Variants in TSPEAR observed in about 807,000 individuals in gnomAD.
TSPEAR encodes the protein thrombospondin type laminin G domain and EAR repeats, also known as thrombospondin-type laminin G domain and EAR repeat-containing protein.
TSPEAR carries 69 observed loss-of-function variants against 71.6 expected under a neutral mutation model. The ratio of observed to expected loss-of-function variants is 0.96; its 90% CI spans 0.79 to 1.18. The LOEUF (loss-of-function observed/expected upper bound fraction) is 1.18. Among genes scored for constraint, TSPEAR ranks in the 50% most tolerant of loss-of-function variants. The pLI is 0.00. For missense variants in TSPEAR, 971 were observed against 894.9 expected (o/e 1.09, Z -1.09); for synonymous variants, 402 against 387.2 (o/e 1.04, Z -0.45).
At position 44,520,198 on chromosome 21, in the gene TSPEAR, C is replaced by T. The variant is rs1386957088; in HGVS notation, c.1566+1685G>A. On this transcript the variant is annotated intron_variant, in intron 9 of 11. Coordinates refer to ENST00000323084, the MANE Select transcript of TSPEAR (RefSeq NM_144991.3). The surrounding 1 kb of genome is among the most constrained non-coding windows in gnomAD (Gnocchi z 4.2). ...GGCTCACTCCCTCCCAGCCACCGAC[C>T]AGTCATTATCGTGCAGCCCTGTCAA... 6.6e-6 allele frequency: 1 copy of T among 152,252 alleles called. No individual in the cohort carries two copies. The highest frequency in any genetic ancestry group is 1.5e-5 in the Non-Finnish European group (1 of 68,084). The allele number at this position is 152,252 out of a possible 1,614,324, so 9.4% of individuals were successfully genotyped here. A position where few individuals can be genotyped will look rare whatever the true frequency, so the allele number is the denominator to read the frequency against.
In TSPEAR at chr21:44,612,731, C is replaced by T; in HGVS notation, c.83-44726G>A. 1 of 1,613,744 alleles carries T rather than the reference C, an allele frequency of 6.2e-7. No homozygotes were observed. The highest frequency in any genetic ancestry group is 8.5e-7 in the Non-Finnish European group (1 of 1,179,900). On this transcript the variant is annotated intron_variant, in intron 1 of 11. Coordinates refer to ENST00000323084, the MANE Select transcript of TSPEAR (RefSeq NM_144991.3). This position sits in a 1 kb window ranked among gnomAD's most constrained non-coding sequence, Gnocchi z 4.1. The stretch of plus-strand genomic sequence containing the variant: ...CTGCAGACCCTCCTCCTCCGTGTCC[C>T]TCCTCTGCCGCCCTGTGTGCCGGCC...
chr21:44,575,077 A>G, intron 1 of TSPEAR: 2 of 1,477,112 alleles, frequency 1.4e-6, no homozygotes, highest in Non-Finnish European at 1.8e-6. Context: ...CTGAAAGCTG[A>G]TAGTCGCGTC....
At chr21:44,639,475 C>T (rs972863398) in intron 1 of TSPEAR, among the ~76,000 whole-genome samples, 1 of 152,224 alleles carries the variant, frequency 6.6e-6, no homozygotes, top group African/African-American at 2.4e-5. Context: ...GGCAGATCAC[C>T]CAGGACAACC....
chr21:44,575,084 C>T (rs879962741), intron 1 of TSPEAR: 5 of 1,421,660 alleles, frequency 3.5e-6, no homozygotes, highest in Middle Eastern at 2.4e-4. Context: ...CTGATAGTCG[C>T]GTCCTGAATT....
intron 1 of TSPEAR, among the ~76,000 whole-genome samples, chr21:44,674,892 C>A (rs1986237481): frequency 1.3e-5 from 2 of 150,908 alleles, no homozygotes; most frequent in Non-Finnish European, 3.0e-5. Context: ...AAAAAGAAAA[C>A]CTGAATAGAC....
At position 44,684,974 on chromosome 21, in the gene TSPEAR, C is replaced by G. The variant is rs1555948716; in HGVS notation, c.82+26459G>C. On this transcript the variant is annotated intron_variant, in intron 1 of 11. Coordinates refer to ENST00000323084, the MANE Select transcript of TSPEAR (RefSeq NM_144991.3). ...GTGAAAGGAGTTGCCTGTGACAGGG[C>G]TGAACTTGTGGCCTCGCCCGGCTTG... Among the ~76,000 whole-genome samples the G allele has an allele frequency of 2.0e-5, 3 of 152,196 alleles. No homozygotes were observed. The South Asian group carries it at 6.2e-4, about 32-fold the overall frequency.
chr21:44,675,585 A>G lies in TSPEAR; in HGVS notation c.82+35848T>C, dbSNP rs193002940. 3.5e-3 allele frequency among the ~76,000 whole-genome samples: 531 copies of G among 152,228 alleles called. 4 individuals carry two copies. The highest frequency in any genetic ancestry group is 0.012 in the African/African-American group (516 of 41,528). ...AGTTTGCTCCGAGGGCAAAATCAAC[A>G]GTAGTAGAGATCACAAACATTATTT... On this transcript the variant is annotated intron_variant, in intron 1 of 11. Transcript: ENST00000323084.
At chr21:44,708,725 C>T (rs573778765) in intron 1 of TSPEAR, among the ~76,000 whole-genome samples, 1 of 151,962 alleles carries the variant, frequency 6.6e-6, no homozygotes, top group Non-Finnish European at 1.5e-5. Flanking sequence ...GTCCCCTCCC[C>T]GAATGCTGCT....
intron 1 of TSPEAR, among the ~76,000 whole-genome samples, chr21:44,616,715 G>A (rs1343523583): frequency 2.0e-5 from 3 of 152,224 alleles, no homozygotes; most frequent in South Asian, 4.1e-4. Flanking sequence ...GTGACAATGC[G>A]GCTGCGCACC....
intron 1 of TSPEAR, among the ~76,000 whole-genome samples, chr21:44,699,348 C>A (rs1439985155): frequency 2.7e-5 from 4 of 146,634 alleles, no homozygotes; most frequent in Non-Finnish European, 6.0e-5. Context: ...CCACTGCACT[C>A]CAGCCTGGGT....
intron 1 of TSPEAR, chr21:44,579,632 T>A (rs1978735093): frequency 2.6e-6 from 3 of 1,156,844 alleles, no homozygotes; most frequent in South Asian, 1.5e-5. Flanking sequence ...CCTGGGAGTA[T>A]GGAGGGGGGG....
In TSPEAR at chr21:44,654,406, C is replaced by G. The variant is rs782325286; in HGVS notation, c.82+57027G>C. The G allele has an allele frequency of 1.0e-4, 166 of 1,614,052 alleles. No individual in the cohort carries two copies. Among genetic ancestry groups the G allele is most frequent in the Non-Finnish European group, 1.3e-4 (157 of 1,180,022 alleles). Reference sequence around the variant, plus strand: ...AGGCTTGCAGCTCACAGGCACACAGCAGGCCACCTGGCAGGGGCTGGGCAC... The same window carrying G: ...AGGCTTGCAGCTCACAGGCACACAGGAGGCCACCTGGCAGGGGCTGGGCAC... On this transcript the variant is annotated intron_variant, in intron 1 of 11. Transcript: ENST00000323084.
intron 1 of TSPEAR, among the ~76,000 whole-genome samples, chr21:44,605,695 A>G (rs1337661459): frequency 6.6e-6 from 1 of 152,240 alleles, no homozygotes; most frequent in Non-Finnish European, 1.5e-5. Flanking sequence ...AGAACAAATG[A>G]TGGGAAAAGG....
chr21:44,575,068 T>C (rs1978342837), intron 1 of TSPEAR: 3 of 1,514,010 alleles, frequency 2.0e-6, no homozygotes, highest in African/African-American at 1.4e-5. Flanking sequence ...AGGTCCCACC[T>C]GAAAGCTGAT....
Position 44,674,988 on chromosome 21 carries a change from A to G in TSPEAR, c.82+36445T>C, listed in dbSNP as rs149225378. Among the ~76,000 whole-genome samples, 701 of 152,234 alleles carry G rather than the reference A, an allele frequency of 4.6e-3. 3 individuals carry two copies. Among genetic ancestry groups the G allele is most frequent in the African/African-American group, 0.016 (681 of 41,538 alleles). ...GCCTGAATGGCTTCACTGCCAAATT[A>G]TACCAAACACATGAAGAACCAACAC... On this transcript the variant is annotated intron_variant, in intron 1 of 11. Coordinates refer to ENST00000323084, the MANE Select transcript of TSPEAR (RefSeq NM_144991.3).
At chr21:44,627,252 T>A (rs373154362) in intron 1 of TSPEAR, 1 of 1,612,684 alleles carries the variant, frequency 6.2e-7, no homozygotes, top group East Asian at 2.2e-5. Flanking sequence ...AGAGCTGCTG[T>A]GAGCCCCCCT....
chr21:44,682,301 G>T (rs1212320648), intron 1 of TSPEAR: 1 of 744,968 alleles, frequency 1.3e-6, no homozygotes, highest in Non-Finnish European at 2.2e-6. Context: ...TGTCGTAGAT[G>T]ATGTTTTTTA....
chr21:44,586,891 A>G (rs1979372581), intron 1 of TSPEAR, among the ~76,000 whole-genome samples: 1 of 152,234 alleles, frequency 6.6e-6, no homozygotes, highest in South Asian at 2.1e-4. Context: ...ACATACCTCA[A>G]TGTAATAAAA....
In TSPEAR at chr21:44,556,105, C is replaced by T. The variant is rs370638304; in HGVS notation, c.303+11680G>A. Among the ~76,000 whole-genome samples, 36 of 152,314 alleles carry T rather than the reference C, an allele frequency of 2.4e-4. 1 individual carries two copies. The highest frequency in any genetic ancestry group is 6.5e-4 in the African/African-American group (27 of 41,562). Reference sequence around the variant, plus strand: ...AAGAATTAAGAAGTCGTGCCGGGCACGGTGGCTCACGCTTGTAATCCCAGC... The same window carrying T: ...AAGAATTAAGAAGTCGTGCCGGGCATGGTGGCTCACGCTTGTAATCCCAGC... On this transcript the variant is annotated intron_variant, in intron 2 of 11. Coordinates refer to ENST00000323084, the MANE Select transcript of TSPEAR (RefSeq NM_144991.3).
Sources: allele counts gnomAD v4.1 joint callset (sites outside exome capture counted in the v4.1 genomes callset), GRCh38; gene constraint gnomAD v4.1.1; non-coding constraint Gnocchi (gnomAD v3.1); transcripts MANE v1.5; gene names NCBI Gene and HGNC (gene_info 2026-07-23, HGNC 2026-07-21).